Variants in GRID2 observed in about 807,000 individuals in gnomAD.
GRID2 encodes the protein glutamate ionotropic receptor delta type subunit 2.
In GRID2, 33 loss-of-function variants were observed where a neutral mutation model predicts 114.8. The ratio of observed to expected loss-of-function variants is 0.29; its 90% CI spans 0.22 to 0.38. The LOEUF is 0.38. Among genes scored for constraint, GRID2 ranks in the 10% least tolerant of loss-of-function variants. The pLI, the probability that GRID2 is intolerant of heterozygous loss-of-function variation, is 1.00. For synonymous variants in GRID2, 505 were observed against 449.9 expected (o/e 1.12, Z -1.55); for missense variants, 1,184 against 1,257.7 (o/e 0.94, Z 0.89).
intron 4 of GRID2, among the ~76,000 whole-genome samples, chr4:93,148,176 G>T (rs193041154): frequency 1.3e-5 from 2 of 152,296 alleles, no homozygotes; most frequent in East Asian, 3.9e-4. Context: ...ATGCTTAAAT[G>T]ACACTGACCA....
intron 2 of GRID2, among the ~76,000 whole-genome samples, chr4:92,763,230 T>G (rs1435639518): frequency 6.6e-6 from 1 of 152,198 alleles, no homozygotes; most frequent in Non-Finnish European, 1.5e-5. Flanking sequence ...CTTCTAGGCT[T>G]TAGTCACTTT....
At chr4:92,846,660 G>A (rs114921370) in intron 2 of GRID2, among the ~76,000 whole-genome samples, 3 of 152,024 alleles carry the variant, frequency 2.0e-5, no homozygotes, top group South Asian at 2.1e-4. Context: ...CATTCCCACT[G>A]TCCACCTCAC....
intron 2 of GRID2, among the ~76,000 whole-genome samples, chr4:92,646,888 C>CTTTTTTTTTTTTTT (rs33921659): frequency 1.8e-5 from 1 of 56,152 alleles, no homozygotes; most frequent in African/African-American, 5.7e-5. Context: ...TCTTTGAATT[C>CTTTTTTTTTTTTTT]TTTTTTTTTT....
intron 1 of GRID2, among the ~76,000 whole-genome samples, chr4:92,432,271 C>T (rs1234801131): frequency 1.3e-5 from 2 of 152,020 alleles, no homozygotes; most frequent in Non-Finnish European, 2.9e-5. Flanking sequence ...CATTTAAGGC[C>T]CAAGGGTTCT....
intron 8 of GRID2, among the ~76,000 whole-genome samples, chr4:93,379,863 T>C (rs1471422196): frequency 1.3e-5 from 2 of 152,060 alleles, no homozygotes; most frequent in African/African-American, 2.4e-5. Flanking sequence ...TTCTAGTCAA[T>C]TGAGATACAC....
At chr4:92,305,091 T>C (rs1725306978) in intron 1 of GRID2, among the ~76,000 whole-genome samples, 1 of 152,170 alleles carries the variant, frequency 6.6e-6, no homozygotes, top group South Asian at 2.1e-4. Flanking sequence ...ATATTTTTTT[T>C]CCCGGATGTA....
At chr4:92,796,776 A>G (rs536487646) in intron 2 of GRID2, among the ~76,000 whole-genome samples, 1 of 151,878 alleles carries the variant, frequency 6.6e-6, no homozygotes, top group South Asian at 2.1e-4. Context: ...TTATCAAACC[A>G]TCCTTTGCTG....
chr4:92,442,458 G>A lies in GRID2; in HGVS notation c.88+137714G>A, dbSNP rs937387900. Among the ~76,000 whole-genome samples the A allele has an allele frequency of 3.7e-3, 562 of 152,156 alleles. 1 individual carries two copies. Among genetic ancestry groups the A allele is most frequent in the African/African-American group, 0.013 (528 of 41,496 alleles). The stretch of plus-strand genomic sequence containing the variant: ...CTTGGGGAGGAGGTTCTGGAGGAAC[G>A]CCTGGCCGCTGCGGTTCAGGCGTTT... On this transcript the variant is annotated intron_variant, in intron 1 of 15. Transcript: ENST00000282020.
chr4:92,491,865 G>A (rs552832109), intron 1 of GRID2, among the ~76,000 whole-genome samples: 1 of 152,094 alleles, frequency 6.6e-6, no homozygotes, highest in Non-Finnish European at 1.5e-5. Flanking sequence ...GTACTTTTTG[G>A]AGATATGCAT....
intron 2 of GRID2, among the ~76,000 whole-genome samples, chr4:92,944,351 G>A (rs867785044): frequency 1.6e-4 from 25 of 152,312 alleles, no homozygotes; most frequent in African/African-American, 5.1e-4. Context: ...GTGAGGCTCC[G>A]TGGGCATAGG....
intron 2 of GRID2, among the ~76,000 whole-genome samples, chr4:92,990,727 A>T (rs1754847684): frequency 6.6e-6 from 1 of 152,160 alleles, no homozygotes; most frequent in South Asian, 2.1e-4. Flanking sequence ...AATGAAGTCC[A>T]ATACTTTCAC....
At chr4:93,029,825 G>A (rs1442791166) in intron 2 of GRID2, among the ~76,000 whole-genome samples, 1 of 152,100 alleles carries the variant, frequency 6.6e-6, no homozygotes, top group East Asian at 1.9e-4. Context: ...CTTCTGCCCA[G>A]TCTCTCAAAA....
At chr4:93,601,298 C>A (rs1739654267) in intron 13 of GRID2, among the ~76,000 whole-genome samples, 1 of 152,048 alleles carries the variant, frequency 6.6e-6, no homozygotes, top group African/African-American at 2.4e-5. Flanking sequence ...AGAGTATATG[C>A]CTACTCAAGG....
chr4:92,430,876 G>T (rs138563413), intron 1 of GRID2, among the ~76,000 whole-genome samples: 1 of 151,998 alleles, frequency 6.6e-6, no homozygotes, highest in African/African-American at 2.4e-5. Flanking sequence ...TTGTAAATGG[G>T]ATTACTTTCT....
chr4:92,659,212 A>G (rs925868333), intron 2 of GRID2, among the ~76,000 whole-genome samples: 3 of 151,768 alleles, frequency 2.0e-5, no homozygotes, highest in African/African-American at 7.2e-5. Context: ...AATGAGTGTT[A>G]GCACCTTCAA....
intron 11 of GRID2, among the ~76,000 whole-genome samples, chr4:93,478,456 A>C (rs1190663307): frequency 1.3e-5 from 2 of 151,886 alleles, no homozygotes; most frequent in African/African-American, 4.8e-5. Flanking sequence ...AGGAAGTTCT[A>C]ATTTGAAATA....
intron 14 of GRID2, among the ~76,000 whole-genome samples, chr4:93,756,808 T>C (rs1732789921): frequency 6.6e-6 from 1 of 152,236 alleles, no homozygotes. Context: ...CAAATATTTA[T>C]TGAGTGAATA....
chr4:93,236,425 G>A (rs1458049708), intron 7 of GRID2, among the ~76,000 whole-genome samples: 2 of 152,094 alleles, frequency 1.3e-5, no homozygotes, highest in East Asian at 3.9e-4. Context: ...TCACCACAGG[G>A]AGGATTTACA....
chr4:92,362,853 T>G (rs901073522), intron 1 of GRID2, among the ~76,000 whole-genome samples: 7 of 152,014 alleles, frequency 4.6e-5, no homozygotes. Flanking sequence ...ATATATTATT[T>G]TTTACGTCGT....
Sources: gnomAD v4.1 joint callset for allele counts (sites outside exome capture counted in the v4.1 genomes callset) on GRCh38, gnomAD v4.1.1 for gene constraint, MANE v1.5 for transcripts, NCBI Gene and HGNC (gene_info 2026-07-23, HGNC 2026-07-21) for gene names.